Variants in MEF2A observed in about 807,000 individuals in gnomAD.
MEF2A encodes myocyte-specific enhancer factor 2A.
In MEF2A, 28 loss-of-function variants were observed where a neutral mutation model predicts 55.8. The observed-to-expected ratio is 0.50, with a 90% CI of 0.37 to 0.69. The LOEUF (loss-of-function observed/expected upper bound fraction) is 0.69, where lower values mean the gene tolerates loss of function less well. MEF2A is among the 30% of genes least tolerant of loss of function. The pLI, the probability that MEF2A is intolerant of heterozygous loss-of-function variation, is 0.00. For synonymous variants in MEF2A, 239 were observed against 227.1 expected (o/e 1.05, Z -0.47); for missense variants, 528 against 626.2 (o/e 0.84, Z 1.67).
Position 99,706,858 on chromosome 15 carries a change from G to A in MEF2A, c.1009+3G>A. 1 of 1,613,654 alleles carries A rather than the reference G, an allele frequency of 6.2e-7. No homozygotes were observed. Among genetic ancestry groups the A allele is most frequent in the Non-Finnish European group, 8.5e-7 (1 of 1,179,618 alleles). Reference sequence around the variant, plus strand: ...AATGCCGACTGCCTACAACACTGGTGAGCCTGCTCTGGTGCCTTCCGTAGG... The same window carrying A: ...AATGCCGACTGCCTACAACACTGGTAAGCCTGCTCTGGTGCCTTCCGTAGG... On this transcript the variant is annotated splice_donor_region_variant and intron_variant, in intron 10 of 11. Coordinates refer to ENST00000557942, the MANE Select transcript of MEF2A (RefSeq NM_001319206.4).
At chr15:99,659,696 CT>C (rs2048325573) in intron 4 of MEF2A, among the ~76,000 whole-genome samples, 1 of 152,096 alleles carries the variant, frequency 6.6e-6, no homozygotes, top group Non-Finnish European at 1.5e-5. Context: ...CTCTGGATCT[CT>C]TTTAACTTTA....
intron 2 of MEF2A, among the ~76,000 whole-genome samples, chr15:99,618,151 CAT>C (rs1477332301): frequency 2.0e-5 from 3 of 152,076 alleles, no homozygotes; most frequent in Non-Finnish European, 4.4e-5. Context: ...ATTAATATTA[CAT>C]ATTACATTTT....
At chr15:99,625,043 A>T (rs1321651654) in intron 2 of MEF2A, among the ~76,000 whole-genome samples, 1 of 152,188 alleles carries the variant, frequency 6.6e-6, no homozygotes, top group Non-Finnish European at 1.5e-5. Context: ...GCTGAACTAG[A>T]CTAATGTAAG....
intron 7 of MEF2A, among the ~76,000 whole-genome samples, chr15:99,676,816 T>C (rs35295124): frequency 0.06 from 9,122 of 152,198 alleles, 354 homozygotes; most frequent in East Asian, 0.17. Context: ...GTGATCTGCC[T>C]GCCTTGACCT....
At chr15:99,565,889 G>A (rs1278901797), upstream of MEF2A, 1 of 153,310 alleles carries the variant, frequency 6.5e-6, no homozygotes. Context: ...GGCTGCGGAG[G>A]GACACCGAGG....
intron 4 of MEF2A, among the ~76,000 whole-genome samples, chr15:99,666,601 T>TAATAATAATAAC (rs1196422541): frequency 5.5e-4 from 82 of 148,374 alleles, no homozygotes; most frequent in Non-Finnish European, 9.1e-4. Context: ...ATAATAATAA[T>TAATAATAATAAC]AATAATAATA....
At chr15:99,678,515 A>G in intron 7 of MEF2A, 3 of 378,358 alleles carry the variant, frequency 7.9e-6, no homozygotes, top group Non-Finnish European at 1.1e-5. Context: ...TTACCTTTAA[A>G]CCATATCATT....
intron 1 of MEF2A, among the ~76,000 whole-genome samples, chr15:99,567,311 T>A (rs1291477573): frequency 6.6e-6 from 1 of 152,234 alleles, no homozygotes; most frequent in Admixed American, 6.5e-5. Flanking sequence ...TTCGGGTTTT[T>A]AGCACAGTAT....
At chr15:99,687,343 G>A (rs1461860447) in intron 7 of MEF2A, among the ~76,000 whole-genome samples, 1 of 152,040 alleles carries the variant, frequency 6.6e-6, no homozygotes, top group Admixed American at 6.6e-5. Context: ...GTCCTTGCAC[G>A]TGTATTAATA....
chr15:99,693,935 C>T (rs1415759122), intron 8 of MEF2A, among the ~76,000 whole-genome samples: 3 of 152,150 alleles, frequency 2.0e-5, no homozygotes, highest in Non-Finnish European at 4.4e-5. Context: ...TTCATACACC[C>T]CACACATCAT....
chr15:99,623,611 A>G (rs1479842191), intron 2 of MEF2A, among the ~76,000 whole-genome samples: 1 of 152,068 alleles, frequency 6.6e-6, no homozygotes, highest in Non-Finnish European at 1.5e-5. Context: ...ATGGCATCTC[A>G]TTGTGGTTTT....
At chr15:99,668,409 A>G (rs1262482214) in intron 4 of MEF2A, among the ~76,000 whole-genome samples, 2 of 152,248 alleles carry the variant, frequency 1.3e-5, no homozygotes, top group Non-Finnish European at 2.9e-5. Flanking sequence ...TTAAATGGGT[A>G]CACACCATTG....
intron 6 of MEF2A, 88 bp downstream of exon 6, chr15:99,674,700 T>G: frequency 9.0e-7 from 1 of 1,111,854 alleles, no homozygotes; most frequent in East Asian, 2.4e-5. Context: ...ATTTTGCTAT[T>G]CTTTTATTGC....
At chr15:99,654,581 A>AGC (rs1555477204) in intron 4 of MEF2A, among the ~76,000 whole-genome samples, 12 of 148,520 alleles carry the variant, frequency 8.1e-5, no homozygotes, top group African/African-American at 3.0e-4. Flanking sequence ...TTAAAAAAAA[A>AGC]GGGGGGGGTA....
chr15:99,694,742 A>T (rs1316166646), intron 8 of MEF2A, among the ~76,000 whole-genome samples: 1 of 152,176 alleles, frequency 6.6e-6, no homozygotes, highest in South Asian at 2.1e-4. Flanking sequence ...TTAAGGCTTC[A>T]CTTTCTTAAG....
chr15:99,600,277 G>A (rs1298815758), intron 2 of MEF2A, among the ~76,000 whole-genome samples: 1 of 152,130 alleles, frequency 6.6e-6, no homozygotes. Flanking sequence ...CTCTAAGGAT[G>A]TAGACAGTGT....
At chr15:99,671,265 A>G in intron 4 of MEF2A, 58 bp from the exon 5 acceptor site, 1 of 1,562,844 alleles carries the variant, frequency 6.4e-7, no homozygotes, top group Non-Finnish European at 8.7e-7. Context: ...TAAATTTTAC[A>G]GAAAAACTCA....
At chr15:99,706,565 ATATT>A (rs1329162592) in intron 9 of MEF2A, 160 bp from the exon 10 acceptor site, 8 of 677,344 alleles carry the variant, frequency 1.2e-5, no homozygotes, top group East Asian at 5.6e-5. Context: ...TTCAAATTAA[ATATT>A]TAGTTATTCT....
chr15:99,641,141 C>G (rs147063860), intron 3 of MEF2A, among the ~76,000 whole-genome samples: 1 of 152,272 alleles, frequency 6.6e-6, no homozygotes, highest in East Asian at 1.9e-4. Flanking sequence ...CAGAGCCCCC[C>G]AGGGAAGAGG....
Sources: allele counts gnomAD v4.1 joint callset (sites outside exome capture counted in the v4.1 genomes callset), GRCh38; gene constraint gnomAD v4.1.1; transcripts MANE v1.5; gene names NCBI Gene and HGNC (gene_info 2026-07-23, HGNC 2026-07-21).